Variants in GRIK2 observed in about 807,000 individuals in gnomAD.
GRIK2 encodes glutamate receptor ionotropic, kainate 2.
GRIK2 carries 32 observed loss-of-function variants against 100.3 expected under a neutral mutation model. The observed-to-expected ratio is 0.32, with a 90% confidence interval of 0.24 to 0.43. The LOEUF is 0.43. GRIK2 is among the 20% of genes least tolerant of loss of function. GRIK2 has a pLI of 1.00. For missense variants in GRIK2, 843 were observed against 1,114.9 expected, an observed-to-expected ratio of 0.76 and a Z score of 3.47; for synonymous variants, 417 against 389.4, an observed-to-expected ratio of 1.07 and a Z score of -0.83.
chr6:101,621,788 A>G (rs2128316813), intron 2 of GRIK2, among the ~76,000 whole-genome samples, 161 bp from the exon 3 acceptor site: 1 of 152,186 alleles, frequency 6.6e-6, no homozygotes, highest in Middle Eastern at 3.4e-3. Context: ...CCATGTACTT[A>G]AATCTCTCCC....
intron 4 of GRIK2, among the ~76,000 whole-genome samples, chr6:101,645,309 T>G (rs1348765859): frequency 6.6e-6 from 1 of 151,918 alleles, no homozygotes; most frequent in Non-Finnish European, 1.5e-5. Context: ...ATGTTTACTC[T>G]GCTAAAGGTA....
intron 5 of GRIK2, 121 bp downstream of exon 5, chr6:101,676,925 A>G (rs767953224): frequency 1.7e-6 from 1 of 584,070 alleles, no homozygotes; most frequent in Non-Finnish European, 2.9e-6. Flanking sequence ...ATGTAATTTT[A>G]TGATAGAAAG....
At chr6:101,571,177 T>C (rs956804905) in intron 2 of GRIK2, among the ~76,000 whole-genome samples, 4 of 152,172 alleles carry the variant, frequency 2.6e-5, no homozygotes, top group Non-Finnish European at 4.4e-5. Flanking sequence ...ATCCTTTAAC[T>C]TGCATGTTTA....
rs188561676 is a variant in GRIK2 at position 102,052,645 on chromosome 6, A to G, written c.2312-2685A>G. Among the ~76,000 whole-genome samples, 279 of 152,326 alleles carry G rather than the reference A, an allele frequency of 1.8e-3. 1 individual carries two copies. Among genetic ancestry groups the G allele is most frequent in the Admixed American group, 0.017 (262 of 15,292 alleles). ...TTGGTGCATATAGTGAGTTGGCAAT[A>G]ATATTATATTCTTTCAATAGTTCTC... is the stretch of plus-strand genomic sequence containing the variant. On this transcript the variant is annotated intron_variant, in intron 15 of 16. Coordinates refer to ENST00000369134, the MANE Select transcript of GRIK2 (RefSeq NM_021956.5).
chr6:101,564,954 C>G (rs541552853), intron 2 of GRIK2, among the ~76,000 whole-genome samples: 2 of 152,228 alleles, frequency 1.3e-5, no homozygotes, highest in African/African-American at 4.8e-5. Context: ...CTCTCTCCCT[C>G]CTGCAATAGT....
At chr6:101,589,139 A>G (rs1483759706) in intron 2 of GRIK2, among the ~76,000 whole-genome samples, 1 of 152,120 alleles carries the variant, frequency 6.6e-6, no homozygotes, top group African/African-American at 2.4e-5. Flanking sequence ...TATGACACTG[A>G]ACAGGTAATT....
intron 7 of GRIK2, among the ~76,000 whole-genome samples, chr6:101,776,508 T>C (rs9498696): frequency 0.19 from 28,957 of 152,066 alleles, 4,586 homozygotes; most frequent in East Asian, 0.65. Flanking sequence ...AGCCACAGGA[T>C]GCCTTAAAAT....
chr6:101,546,802 C>T (rs891672230), intron 2 of GRIK2, among the ~76,000 whole-genome samples: 53 of 148,204 alleles, frequency 3.6e-4, no homozygotes, highest in Non-Finnish European at 6.9e-4. Context: ...TTTCCTCCAA[C>T]TCTCATGTTT....
At chr6:101,683,793 T>C in intron 6 of GRIK2, among the ~76,000 whole-genome samples, 1 of 152,234 alleles carries the variant, frequency 6.6e-6, no homozygotes, top group East Asian at 1.9e-4. Context: ...TTTAGTGTCC[T>C]CTGAATTGAC....
chr6:101,736,116 G>A (rs1011048956), intron 7 of GRIK2, among the ~76,000 whole-genome samples: 1 of 152,206 alleles, frequency 6.6e-6, no homozygotes, highest in Non-Finnish European at 1.5e-5. Flanking sequence ...GATGTAAGAT[G>A]TGGGTTCCCA....
intron 7 of GRIK2, among the ~76,000 whole-genome samples, chr6:101,739,505 C>T (rs1775891472): frequency 6.6e-6 from 1 of 152,044 alleles, no homozygotes; most frequent in African/African-American, 2.4e-5. Flanking sequence ...GGCTCAAGGA[C>T]CCTGGGCAAA....
At position 101,510,520 on chromosome 6, in the gene GRIK2, T is replaced by G. The variant is rs1021787610; in HGVS notation, c.115+111128T>G. The stretch of plus-strand genomic sequence containing the variant: ...GATCCCAGTTGGGGAGTTTTTTTTT[T>G]TTTTTTTTTTTTTTTTTTTTGAGAT... On this transcript the variant is annotated intron_variant, in intron 2 of 16. Transcript: ENST00000369134. Among the ~76,000 whole-genome samples, 160 of 137,034 alleles carry G rather than the reference T, an allele frequency of 1.2e-3. 2 individuals are homozygous for G. Among genetic ancestry groups the G allele is most frequent in the Non-Finnish European group, 1.9e-3 (121 of 63,658 alleles). 89.9% of individuals were successfully genotyped at this position (137,034 alleles called of 152,430 possible).
chr6:101,629,139 C>T (rs186279932), intron 4 of GRIK2, among the ~76,000 whole-genome samples: 7 of 152,104 alleles, frequency 4.6e-5, no homozygotes, highest in East Asian at 3.9e-4. Flanking sequence ...TTAATGGAGT[C>T]CTGACCTCAA....
intron 16 of GRIK2, chr6:102,065,827 G>C (rs547987595): frequency 3.1e-5 from 47 of 1,510,390 alleles, no homozygotes; most frequent in Non-Finnish European, 3.7e-5. Context: ...TCAAGACTAT[G>C]TATTCCTCCC....
chr6:102,057,006 A>G (rs1306951776), intron 16 of GRIK2, among the ~76,000 whole-genome samples: 4 of 151,992 alleles, frequency 2.6e-5, no homozygotes, highest in African/African-American at 9.7e-5. Context: ...GTGTCTAAGT[A>G]CACTTTTTAT....
intron 7 of GRIK2, among the ~76,000 whole-genome samples, chr6:101,735,674 C>T (rs1031137047): frequency 6.6e-6 from 1 of 152,166 alleles, no homozygotes; most frequent in African/African-American, 2.4e-5. Flanking sequence ...CCACCAGATT[C>T]CTCCTATAAC....
intron 7 of GRIK2, among the ~76,000 whole-genome samples, chr6:101,775,796 G>A (rs546239775): frequency 1.3e-5 from 2 of 151,462 alleles, no homozygotes; most frequent in Non-Finnish European, 2.9e-5. Context: ...TTATATATGT[G>A]TATATATATG....
chr6:102,008,044 A>AAACAAC (rs750731574), intron 14 of GRIK2, among the ~76,000 whole-genome samples: 2 of 152,010 alleles, frequency 1.3e-5, no homozygotes, highest in South Asian at 4.1e-4. Flanking sequence ...GGAAAAGGAA[A>AAACAAC]AACAACAACA....
At chr6:101,580,991 C>G (rs1458477054) in intron 2 of GRIK2, among the ~76,000 whole-genome samples, 2 of 152,030 alleles carry the variant, frequency 1.3e-5, no homozygotes, top group African/African-American at 4.8e-5. Flanking sequence ...ATTACCCTCT[C>G]TCATCCTCTA....
Sources: gnomAD v4.1 joint callset for allele counts (sites outside exome capture counted in the v4.1 genomes callset) on GRCh38, gnomAD v4.1.1 for gene constraint, MANE v1.5 for transcripts, NCBI Gene and HGNC (gene_info 2026-07-23, HGNC 2026-07-21) for gene names.